The following PLCB1 variants were observed in gnomAD, a reference collection of about 807,000 sequenced individuals.
PLCB1 encodes the protein 1-phosphatidylinositol 4,5-bisphosphate phosphodiesterase beta-1.
A neutral mutation model predicts 161.8 loss-of-function variants in PLCB1; 46 were observed. That is an observed-to-expected ratio of 0.28 (90% CI 0.22 to 0.36). The LOEUF is 0.36. Ranked by LOEUF, PLCB1 falls within the 10% of genes least tolerant of loss-of-function variation. PLCB1 has a pLI of 1.00. For missense variants in PLCB1, 1,016 were observed against 1,472.5 expected (o/e 0.69, Z 5.07); for synonymous variants, 517 against 503.7 (o/e 1.03, Z -0.35).
chr20:8,881,775 G>C lies in PLCB1; in HGVS notation c.3577G>C (p.Val1193Leu). ...PLSLSSDPGKVNHKTPSSEEL... is the reference protein window; with the variant it reads ...PLSLSSDPGKLNHKTPSSEEL... ...CTCCCTGTCCTCAGACCCTGGAAAA[G>C]TGAACCACAAGACTCCCTCCAGTGA... Residue 1193 changes from valine (V) to leucine (L), a missense_variant, in exon 32 of 32, where the codon GTG becomes CTG. Val to Leu is a conservative substitution (Grantham distance 32). Transcript: ENST00000338037. The C allele has an allele frequency of 6.2e-7, 1 of 1,614,124 alleles. No individual in the cohort carries two copies. The highest frequency in any genetic ancestry group is 8.5e-7 in the Non-Finnish European group (1 of 1,179,994).
intron 2 of PLCB1, among the ~76,000 whole-genome samples, chr20:8,239,553 G>C (rs995526606): frequency 2.6e-5 from 4 of 151,204 alleles, no homozygotes; most frequent in Admixed American, 6.6e-5. Flanking sequence ...TTACCAAATA[G>C]TGCTTCAGTG....
At chr20:8,197,319 A>T (rs6108116) in intron 2 of PLCB1, among the ~76,000 whole-genome samples, 2,762 of 152,206 alleles carry the variant, frequency 0.018, 104 homozygotes, top group African/African-American at 0.063. Context: ...CCTCTCCAGC[A>T]CCTGTTGTTT....
chr20:8,796,069 T>G lies in PLCB1; in HGVS notation c.3423+5808T>G, dbSNP rs981049850. ...AACAGTCAATAAATGTGTAATTTAC[T>G]TTTTCTCTGATGCTTAATTTGTCTT... On this transcript the variant is annotated intron_variant, in intron 31 of 31. Transcript: ENST00000338037. Among the ~76,000 whole-genome samples the G allele has an allele frequency of 4.1e-4, 62 of 152,316 alleles. 3 individuals are homozygous for G. Among genetic ancestry groups the G allele is most frequent in the Non-Finnish European group, 2.6e-4 (18 of 68,028 alleles).
At chr20:8,517,037 G>C (rs1316227238) in intron 3 of PLCB1, among the ~76,000 whole-genome samples, 1 of 152,070 alleles carries the variant, frequency 6.6e-6, no homozygotes, top group African/African-American at 2.4e-5. Context: ...GTGGGTGCTA[G>C]AGCTGACTCT....
At chr20:8,826,277 C>T (rs971582606) in intron 31 of PLCB1, among the ~76,000 whole-genome samples, 8 of 151,962 alleles carry the variant, frequency 5.3e-5, no homozygotes, top group Non-Finnish European at 7.4e-5. Flanking sequence ...GGGTGGATCA[C>T]GAGGTCAGGA....
chr20:8,687,166 C>T (rs112636045), intron 10 of PLCB1, among the ~76,000 whole-genome samples: 6 of 151,896 alleles, frequency 4.0e-5, no homozygotes, highest in Non-Finnish European at 8.8e-5. Context: ...GCTGAAACTA[C>T]AGGCACGTGC....
At chr20:8,511,414 A>G (rs955601876) in intron 3 of PLCB1, among the ~76,000 whole-genome samples, 1 of 152,136 alleles carries the variant, frequency 6.6e-6, no homozygotes, top group Non-Finnish European at 1.5e-5. Flanking sequence ...TTCTTCATCC[A>G]TTGATTAACT....
chr20:8,577,513 C>T (rs1015909134), intron 3 of PLCB1, among the ~76,000 whole-genome samples: 2 of 151,454 alleles, frequency 1.3e-5, no homozygotes, highest in Admixed American at 1.3e-4. Flanking sequence ...TCCTTGATGA[C>T]CTTCTAACTT....
chr20:8,817,032 A>T (rs1985114642), intron 31 of PLCB1, among the ~76,000 whole-genome samples: 1 of 152,136 alleles, frequency 6.6e-6, no homozygotes, highest in Non-Finnish European at 1.5e-5. Context: ...TTCAAACTTG[A>T]TTGGTTCTTA....
intron 3 of PLCB1, among the ~76,000 whole-genome samples, chr20:8,544,614 A>G (rs2122970014): frequency 6.6e-6 from 1 of 152,342 alleles, no homozygotes; most frequent in African/African-American, 2.4e-5. Flanking sequence ...AAGGACTGCT[A>G]AAATGGCCTT....
chr20:8,779,468 G>A (rs1983100486), intron 27 of PLCB1, among the ~76,000 whole-genome samples: 1 of 131,092 alleles, frequency 7.6e-6, no homozygotes, highest in South Asian at 2.5e-4. Flanking sequence ...GATACGAGAT[G>A]TAAAATGCAC....
chr20:8,158,944 G>A (rs1406234952), intron 2 of PLCB1, among the ~76,000 whole-genome samples: 1 of 151,704 alleles, frequency 6.6e-6, no homozygotes, highest in Non-Finnish European at 1.5e-5. Flanking sequence ...TTCATGGGCT[G>A]GCATTGAGTG....
rs769143808 is a variant in PLCB1, at chr20:8,739,354, C to A, written c.2302C>A (p.Arg768=). 6.2e-7 allele frequency: 1 copy of A among 1,605,178 alleles called. No individual in the cohort carries two copies. The highest frequency in any genetic ancestry group is 1.1e-5 in the South Asian group (1 of 90,866). Residue 768 remains arginine, a synonymous_variant, in exon 21 of 32, where the codon CGG becomes AGG. Coordinates refer to ENST00000338037, the MANE Select transcript of PLCB1 (RefSeq NM_015192.4). ...GHRILPVQAI[R]PGYHYICLRN... is the part of the protein sequence containing the mutation. ...CCGTATCTTGCCAGTGCAAGCCATTCGGCCAGGTATGGGTAGTGTGCTGAG... is the reference window on the plus strand; with the variant it reads ...CCGTATCTTGCCAGTGCAAGCCATTAGGCCAGGTATGGGTAGTGTGCTGAG...
At chr20:8,786,290 A>T (rs778673469) in intron 27 of PLCB1, among the ~76,000 whole-genome samples, 1 of 152,200 alleles carries the variant, frequency 6.6e-6, no homozygotes, top group Non-Finnish European at 1.5e-5. Context: ...GGAATTTTAC[A>T]TCTAGACAGC....
intron 18 of PLCB1, among the ~76,000 whole-genome samples, chr20:8,730,327 T>A (rs570812308): frequency 1.5e-4 from 23 of 152,008 alleles, no homozygotes; most frequent in Non-Finnish European, 3.2e-4. Context: ...GATCAATCCT[T>A]TTTTTTCATC....
chr20:8,821,757 G>A (rs1457236821), intron 31 of PLCB1, among the ~76,000 whole-genome samples: 1 of 151,760 alleles, frequency 6.6e-6, no homozygotes, highest in Non-Finnish European at 1.5e-5. Context: ...CCGCTCTGTG[G>A]GTTTGTCAGA....
At chr20:8,475,250 G>A (rs1982225354) in intron 3 of PLCB1, among the ~76,000 whole-genome samples, 1 of 152,060 alleles carries the variant, frequency 6.6e-6, no homozygotes. Flanking sequence ...TTTGGGTGGT[G>A]GAGGCTTACT....
At chr20:8,518,025 T>C (rs1315788535) in intron 3 of PLCB1, among the ~76,000 whole-genome samples, 1 of 151,904 alleles carries the variant, frequency 6.6e-6, no homozygotes, top group Non-Finnish European at 1.5e-5. Context: ...CTACTAAAAA[T>C]ACAAAATTTA....
chr20:8,326,608 C>A (rs532363172), intron 2 of PLCB1, among the ~76,000 whole-genome samples: 108 of 152,210 alleles, frequency 7.1e-4, no homozygotes, highest in African/African-American at 2.6e-3. Context: ...AACTATTAAC[C>A]CATGAAGTCT....
Sources: allele counts gnomAD v4.1 joint callset (sites outside exome capture counted in the v4.1 genomes callset), GRCh38; gene constraint gnomAD v4.1.1; transcripts MANE v1.5; gene names NCBI Gene and HGNC (gene_info 2026-07-23, HGNC 2026-07-21).